Variants in COPG2 observed in about 807,000 individuals in gnomAD.
COPG2 encodes the protein coat protein complex I subunit gamma 2.
In COPG2, 37 loss-of-function variants were observed where a neutral mutation model predicts 46.3. The ratio of observed to expected loss-of-function variants is 0.80; its 90% CI spans 0.61 to 1.05. COPG2 has a LOEUF of 1.05. Ranked by LOEUF, COPG2 falls within the 50% of genes least tolerant of loss-of-function variation. The pLI is 0.00. For synonymous variants in COPG2, 159 were observed against 129.7 expected (o/e 1.23, Z -1.53); for missense variants, 427 against 387.8 (o/e 1.10, Z -0.85).
chr7:130,618,807 A>G (rs781927050), intron 5 of COPG2, among the ~76,000 whole-genome samples: 13 of 152,266 alleles, frequency 8.5e-5, no homozygotes, highest in South Asian at 4.1e-4. Flanking sequence ...TAAATAATTC[A>G]TGACAGTTCC....
At chr7:130,512,200 TAACTCTCCTTGTTAATACAC>T (rs1450568110) in intron 20 of COPG2, among the ~76,000 whole-genome samples, 4 of 151,806 alleles carry the variant, frequency 2.6e-5, no homozygotes, top group South Asian at 2.1e-4. Flanking sequence ...TGAGCCTTGT[TAACTCTCCTTGTTAATACAC>T]AACTCTCCTT....
intron 11 of COPG2, among the ~76,000 whole-genome samples, chr7:130,562,774 A>C (rs1445684311): frequency 6.6e-6 from 1 of 152,186 alleles, no homozygotes; most frequent in Admixed American, 6.5e-5. Context: ...TTACCTTAAA[A>C]ATTTTAATGT....
At chr7:130,593,728 G>T (rs143248762) in intron 9 of COPG2, among the ~76,000 whole-genome samples, 3,638 of 150,762 alleles carry the variant, frequency 0.024, 69 homozygotes, top group Non-Finnish European at 0.04. Context: ...GGAGAAGAAA[G>T]AAATTAAATT....
Position 130,633,821 on chromosome 7 carries a change from G to A in COPG2, c.324-16756C>T, listed in dbSNP as rs138232548. Among the ~76,000 whole-genome samples the A allele has an allele frequency of 7.0e-3, 1,057 of 152,068 alleles. 12 individuals are homozygous for A. The highest frequency in any genetic ancestry group is 0.024 in the African/African-American group (998 of 41,488). The stretch of plus-strand genomic sequence containing the variant: ...TGCCTATGTCCTGAATGGTATTACC[G>A]AGGTTTTCTTCTAGGGTTTTTATGG... On this transcript the variant is annotated intron_variant, in intron 5 of 23. Coordinates refer to ENST00000425248, the MANE Select transcript of COPG2 (RefSeq NM_012133.6).
At chr7:130,598,744 C>T (rs1349796619) in intron 9 of COPG2, among the ~76,000 whole-genome samples, 5 of 152,298 alleles carry the variant, frequency 3.3e-5, no homozygotes, top group East Asian at 3.9e-4. Flanking sequence ...TCAGTATTAG[C>T]TGAACTACAA....
chr7:130,603,982 AG>A, intron 9 of COPG2: 1 of 407,814 alleles, frequency 2.5e-6, no homozygotes, highest in Non-Finnish European at 4.8e-6. Context: ...AGTAAGCTAG[AG>A]AAAAGAAAAT....
At chr7:130,641,039 C>T (rs1795454761) in intron 5 of COPG2, among the ~76,000 whole-genome samples, 1 of 150,646 alleles carries the variant, frequency 6.6e-6, no homozygotes, top group South Asian at 2.1e-4. Context: ...AAAAAAAAAT[C>T]AAGTGTTAGA....
At chr7:130,647,951 C>T (rs150695835) in intron 5 of COPG2, among the ~76,000 whole-genome samples, 3,659 of 152,038 alleles carry the variant, frequency 0.024, 69 homozygotes, top group Non-Finnish European at 0.04. Flanking sequence ...AGGACGGTCT[C>T]GATCTCCTGA....
intron 20 of COPG2, among the ~76,000 whole-genome samples, chr7:130,532,314 T>C (rs960472525): frequency 3.3e-5 from 5 of 152,050 alleles, no homozygotes; most frequent in African/African-American, 9.6e-5. Flanking sequence ...CAGAGAAGGG[T>C]CCAGTGACAC....
At chr7:130,590,562 A>G (rs1343053065) in intron 9 of COPG2, among the ~76,000 whole-genome samples, 2 of 151,924 alleles carry the variant, frequency 1.3e-5, no homozygotes, top group Non-Finnish European at 2.9e-5. Context: ...TCAGTGCTCA[A>G]TGGTGCCCAG....
In COPG2 at chr7:130,611,121, T is replaced by C; in HGVS notation, c.580-11A>G. Reference sequence around the variant, plus strand: ...TCCCAATGCATGGTACTAAAGAACATGAAAAAGAAGGTAGCACATGGATTA... The same window carrying C: ...TCCCAATGCATGGTACTAAAGAACACGAAAAAGAAGGTAGCACATGGATTA... On this transcript the variant is annotated splice_polypyrimidine_tract_variant and intron_variant, in intron 8 of 23. Transcript: ENST00000425248. The C allele has an allele frequency of 1.9e-6, 3 of 1,605,296 alleles. No homozygotes were observed. In the South Asian group the frequency reaches 3.3e-5, roughly 18 times the overall value.
chr7:130,659,638 G>T (rs549050201), intron 4 of COPG2, among the ~76,000 whole-genome samples: 7 of 152,306 alleles, frequency 4.6e-5, no homozygotes, highest in Non-Finnish European at 1.0e-4. Context: ...TGCAGGCTGG[G>T]TGTGGTGGCT....
intron 20 of COPG2, among the ~76,000 whole-genome samples, chr7:130,532,638 T>C (rs1799839275): frequency 6.6e-6 from 1 of 151,846 alleles, no homozygotes; most frequent in Non-Finnish European, 1.5e-5. Flanking sequence ...AGGCAGGGGA[T>C]TCAGAGGCAG....
At chr7:130,605,631 C>T (rs1794713517) in intron 9 of COPG2, 3 of 466,418 alleles carry the variant, frequency 6.4e-6, no homozygotes, top group Admixed American at 4.6e-5. Flanking sequence ...CCTCTAGAGG[C>T]ACAGACTAAC....
intron 3 of COPG2, among the ~76,000 whole-genome samples, chr7:130,663,730 CTTTTTTTTTTTTTTTT>C (rs71178602): frequency 3.0e-5 from 2 of 67,148 alleles, no homozygotes; most frequent in Non-Finnish European, 5.3e-5. Flanking sequence ...CATTTCTTTT[CTTTTTTTTTTTTTTTT>C]TTTTTTTTTT....
chr7:130,608,136 AGTTAT>A, intron 9 of COPG2: 1 of 382,812 alleles, frequency 2.6e-6, no homozygotes. Flanking sequence ...TTTTTTTGTT[AGTTAT>A]AATATTCATC....
chr7:130,638,424 C>CAGAGAGGAGGAATCT (rs1433377576), intron 5 of COPG2, among the ~76,000 whole-genome samples: 14 of 152,198 alleles, frequency 9.2e-5, no homozygotes, highest in African/African-American at 3.4e-4. Context: ...ATGCCCTGCC[C>CAGAGAGGAGGAATCT]AGAGAGGAGG....
At chr7:130,611,922 T>C (rs549890874) in intron 8 of COPG2, among the ~76,000 whole-genome samples, 8 of 152,346 alleles carry the variant, frequency 5.3e-5, no homozygotes, top group South Asian at 2.1e-4. Context: ...TATAACAATC[T>C]TTCCCAAATA....
At chr7:130,646,872 A>C (rs1795603776) in intron 5 of COPG2, among the ~76,000 whole-genome samples, 1 of 150,762 alleles carries the variant, frequency 6.6e-6, no homozygotes, top group South Asian at 2.1e-4. Context: ...ACTGTGAGTC[A>C]ATTACACCCC....
Sources: allele counts gnomAD v4.1 joint callset (sites outside exome capture counted in the v4.1 genomes callset), GRCh38; gene constraint gnomAD v4.1.1; transcripts MANE v1.5; gene names NCBI Gene and HGNC (gene_info 2026-07-23, HGNC 2026-07-21).